Variants in DNAH11 observed in about 807,000 individuals in gnomAD.
DNAH11 encodes axonemal beta dynein heavy chain 11.
Under a neutral mutation model 526.0 loss-of-function variants are expected in DNAH11, and 442 were observed. The observed-to-expected ratio is 0.84, with a 90% CI of 0.78 to 0.91. The LOEUF is 0.91. Among genes scored for constraint, DNAH11 ranks in the 40% least tolerant of loss-of-function variants. DNAH11 has a pLI of 0.00. For synonymous variants in DNAH11, 2,461 were observed against 1,935.9 expected, an observed-to-expected ratio of 1.27 and a Z score of -7.12; for missense variants, 6,989 against 5,448.7, an observed-to-expected ratio of 1.28 and a Z score of -8.90.
chr7:21,812,933 G>C (rs1322002369), intron 63 of DNAH11, among the ~76,000 whole-genome samples: 1 of 152,122 alleles, frequency 6.6e-6, no homozygotes, highest in Non-Finnish European at 1.5e-5. Context: ...GGAGAGCCTG[G>C]TTTTGCTTAA....
chr7:21,650,539 A>G (rs1050656701), intron 28 of DNAH11, among the ~76,000 whole-genome samples: 2 of 139,568 alleles, frequency 1.4e-5, no homozygotes, highest in African/African-American at 5.6e-5. Context: ...AGCTTCTAGA[A>G]GGCCTTTTTT....
intron 61 of DNAH11, among the ~76,000 whole-genome samples, chr7:21,789,876 CT>C (rs1376603264): frequency 7.7e-6 from 1 of 129,316 alleles, no homozygotes; most frequent in Non-Finnish European, 1.6e-5. Flanking sequence ...CCTTTTCTTT[CT>C]TTCTTTCTTT....
intron 54 of DNAH11, among the ~76,000 whole-genome samples, chr7:21,763,357 G>GAAAAGAAAAA (rs1562531840): frequency 2.3e-5 from 1 of 43,728 alleles, no homozygotes; most frequent in Non-Finnish European, 5.1e-5. Context: ...AAAAAAAAAA[G>GAAAAGAAAAA]AAAAAAAAAA....
chr7:21,892,641 G>A lies in DNAH11; in HGVS notation c.12724G>A (p.Glu4242Lys). ...GCCCAGGAATGCACTCAGTGGTGAT[G>A]AACTGGGGCAGTCTACAGAAGAAAA... Reference protein sequence around the residue: ...MQPRNALSGDELGQSTEEKVK... With the variant: ...MQPRNALSGDKLGQSTEEKVK... Residue 4242 changes from glutamate to lysine, a missense_variant, in exon 77 of 82, where the codon GAA becomes AAA. By Grantham distance (56) the Glu-to-Lys change is moderately conservative (BLOSUM62 1). Transcript: ENST00000409508. 6.2e-7 allele frequency: 1 copy of A among 1,610,202 alleles called. No individual in the cohort carries two copies. Among genetic ancestry groups the A allele is most frequent in the South Asian group, 1.1e-5 (1 of 90,690 alleles).
chr7:21,854,823 G>A (rs1583776546), intron 68 of DNAH11, among the ~76,000 whole-genome samples: 1 of 152,090 alleles, frequency 6.6e-6, no homozygotes. Context: ...GAGTACAGGC[G>A]TGAACCACCG....
chr7:21,714,085 G>C (rs1229803810), intron 42 of DNAH11, among the ~76,000 whole-genome samples: 6 of 152,144 alleles, frequency 3.9e-5, no homozygotes, highest in African/African-American at 1.4e-4. Flanking sequence ...CAGCTCCCAA[G>C]GCATATGTAA....
intron 8 of DNAH11, among the ~76,000 whole-genome samples, chr7:21,578,234 C>A (rs574905234): frequency 5.3e-5 from 8 of 152,320 alleles, no homozygotes; most frequent in African/African-American, 1.9e-4. Flanking sequence ...ATCCAAGATA[C>A]AATGAAGGTA....
rs1397517530 is a variant in DNAH11, at chr7:21,735,636, C to T, written c.7441-4C>T. ...TCTTTGTCTCATTCTGTTTCTCCTC[C>T]CAGACAGTTCTCGTTCACACAACAG... On this transcript the variant is annotated splice_region_variant and splice_polypyrimidine_tract_variant and intron_variant, in intron 45 of 81. Coordinates refer to ENST00000409508, the MANE Select transcript of DNAH11 (RefSeq NM_001277115.2). 6 of 1,572,266 alleles carry T rather than the reference C, an allele frequency of 3.8e-6. No individual in the cohort carries two copies. In the South Asian group the frequency reaches 5.8e-5, roughly 15 times the overall value.
intron 60 of DNAH11, among the ~76,000 whole-genome samples, chr7:21,787,948 G>A (rs750138105): frequency 2.7e-4 from 41 of 152,152 alleles, no homozygotes; most frequent in Non-Finnish European, 5.0e-4. Context: ...TGCTCTCAAA[G>A]CAAATATTCA....
chr7:21,765,616 AC>A, intron 55 of DNAH11, 27 bp downstream of exon 55: 1 of 586,544 alleles, frequency 1.7e-6, no homozygotes, highest in South Asian at 3.9e-5. Flanking sequence ...TGCGTCACAC[AC>A]ACACACACAC....
chr7:21,816,418 C>G, intron 63 of DNAH11, 49 bp from the exon 64 acceptor site: 1 of 1,413,864 alleles, frequency 7.1e-7, no homozygotes, highest in Non-Finnish European at 9.8e-7. Context: ...TGTCTGTCTT[C>G]TCTCTCTGCC....
rs1783568966 is a variant in DNAH11, at chr7:21,873,269, T to C, written c.11968-5T>C. 3 of 1,574,830 alleles carry C rather than the reference T, an allele frequency of 1.9e-6. No homozygotes were observed. The African/African-American group carries it at 4.0e-5, about 21-fold the overall frequency. ...ACAGGAATTATGCACCATGCTATCT[T>C]TCAGAATGTTCATTTGGTAGCCAAG... On this transcript the variant is annotated splice_region_variant and splice_polypyrimidine_tract_variant and intron_variant, in intron 73 of 81. Coordinates refer to ENST00000409508, the MANE Select transcript of DNAH11 (RefSeq NM_001277115.2).
rs376741056 is a variant in DNAH11, at chr7:21,687,539, G to T, written c.5924+12G>T. 46 of 1,611,622 alleles carry T rather than the reference G, an allele frequency of 2.9e-5. No individual in the cohort carries two copies. The African/African-American group carries it at 5.2e-4, about 18-fold the overall frequency. On this transcript the variant is annotated intron_variant, in intron 34 of 81. Coordinates refer to ENST00000409508, the MANE Select transcript of DNAH11 (RefSeq NM_001277115.2). ...AACAGGAAGAAGAGGTGAGTGGCAT[G>T]CAGGCTATCTCTTGTTACAAATAGA...
At chr7:21,566,604 GA>G (rs11286266) in intron 6 of DNAH11, among the ~76,000 whole-genome samples, 97,278 of 145,726 alleles carry the variant, frequency 0.67, 31,850 homozygotes, top group African/African-American at 0.69. Context: ...ATTTTATAAT[GA>G]AAAAAAAAAA....
At chr7:21,816,768 AGGCG>A in intron 64 of DNAH11, 66 bp downstream of exon 64, 1 of 1,380,006 alleles carries the variant, frequency 7.2e-7, no homozygotes, top group Non-Finnish European at 1.0e-6. Flanking sequence ...ATTTTTATAA[AGGCG>A]TGATGTTTCT....
intron 2 of DNAH11, among the ~76,000 whole-genome samples, chr7:21,545,558 T>A (rs1020796360): frequency 2.0e-5 from 3 of 152,190 alleles, no homozygotes; most frequent in African/African-American, 7.2e-5. Flanking sequence ...ATCAGTTCCT[T>A]TTTATACTTG....
intron 28 of DNAH11, among the ~76,000 whole-genome samples, chr7:21,655,360 G>C (rs1781969025): frequency 6.6e-6 from 1 of 152,308 alleles, no homozygotes; most frequent in African/African-American, 2.4e-5. Flanking sequence ...GCTCACCAAA[G>C]TATCAAGGCA....
At chr7:21,854,275 A>T in intron 67 of DNAH11, 40 bp from the exon 68 acceptor site, 1 of 1,604,268 alleles carries the variant, frequency 6.2e-7, no homozygotes, top group Non-Finnish European at 8.5e-7. Flanking sequence ...GAGAATATGA[A>T]GAGTAAATAA....
intron 72 of DNAH11, 56 bp from the exon 73 acceptor site, chr7:21,868,808 C>G: frequency 2.5e-6 from 4 of 1,599,750 alleles, no homozygotes; most frequent in Non-Finnish European, 3.4e-6. Flanking sequence ...GAATTCCAGG[C>G]TCCTCTCACC....
Sources: allele counts gnomAD v4.1 joint callset (sites outside exome capture counted in the v4.1 genomes callset), GRCh38; gene constraint gnomAD v4.1.1; transcripts MANE v1.5; gene names NCBI Gene and HGNC (gene_info 2026-07-23, HGNC 2026-07-21).